BCR: variants seen among roughly 807,000 people sequenced by gnomAD.
BCR encodes breakpoint cluster region protein.
In BCR, 58 loss-of-function variants were observed where a neutral mutation model predicts 138.6. The ratio of observed to expected loss-of-function variants is 0.42; its 90% confidence interval spans 0.34 to 0.52. BCR has a LOEUF of 0.52. BCR is among the 20% of genes least tolerant of loss of function. The pLI, the probability that BCR is intolerant of heterozygous loss-of-function variation, is 0.06. For synonymous variants in BCR, 786 were observed against 730.1 expected (o/e 1.08, Z -1.23); for missense variants, 1,599 against 1,727.2 (o/e 0.93, Z 1.32).
intron 1 of BCR, among the ~76,000 whole-genome samples, chr22:23,225,767 A>AT (rs2072884099): frequency 3.3e-5 from 5 of 152,194 alleles, no homozygotes; most frequent in African/African-American, 1.2e-4. Flanking sequence ...TGTCATTGGA[A>AT]GGCAGTCATC....
In BCR at chr22:23,264,254, G is replaced by A. The variant is rs983937328; in HGVS notation, c.1752+2714G>A. The stretch of plus-strand genomic sequence containing the variant: ...CCTGCCCGCACACCTTCCCGCTGAC[G>A]TCGACCCGCCTCGGCAGCCCTGTGT... On this transcript the variant is annotated intron_variant, in intron 4 of 22. Coordinates refer to ENST00000305877, the MANE Select transcript of BCR (RefSeq NM_004327.4). 9 of 949,336 alleles carry A rather than the reference G, an allele frequency of 9.5e-6. No individual in the cohort carries two copies. The African/African-American group carries it at 9.6e-5, about 10-fold the overall frequency. The allele number at this position is 949,336 out of a possible 1,614,324, so 58.8% of individuals were successfully genotyped here.
chr22:23,228,985 C>T (rs1397700655), intron 1 of BCR, among the ~76,000 whole-genome samples: 2 of 152,158 alleles, frequency 1.3e-5, no homozygotes, highest in Non-Finnish European at 2.9e-5. Context: ...ACACCTGGGA[C>T]ATGAAATTAG....
intron 4 of BCR, among the ~76,000 whole-genome samples, chr22:23,267,822 G>A (rs536509286): frequency 1.6e-4 from 24 of 152,316 alleles, no homozygotes; most frequent in South Asian, 6.2e-4. Flanking sequence ...AACACCTCTC[G>A]CCTTACAGCC....
chr22:23,225,094 G>C (rs1040572137), intron 1 of BCR, among the ~76,000 whole-genome samples: 5 of 151,988 alleles, frequency 3.3e-5, no homozygotes, highest in African/African-American at 1.2e-4. Context: ...AGGATAAGAT[G>C]AGCTCCCCTC....
At chr22:23,219,898 C>T (rs554061459) in intron 1 of BCR, among the ~76,000 whole-genome samples, 1 of 87,108 alleles carries the variant, frequency 1.1e-5, no homozygotes, top group Non-Finnish European at 2.3e-5. Context: ...TCCTTCATGC[C>T]TCCTTCCTGG....
chr22:23,238,012 C>A (rs763442479), intron 1 of BCR, among the ~76,000 whole-genome samples: 1 of 152,154 alleles, frequency 6.6e-6, no homozygotes, highest in African/African-American at 2.4e-5. Flanking sequence ...TTCTCAGTGC[C>A]GTTTCCTCCC....
chr22:23,268,615 T>G, intron 5 of BCR, 100 bp downstream of exon 5: 1 of 1,019,114 alleles, frequency 9.8e-7, no homozygotes, highest in Non-Finnish European at 1.5e-6. Context: ...GATCTGGTCG[T>G]GAACCCCAGC....
At chr22:23,203,220 A>G (rs531977683) in intron 1 of BCR, among the ~76,000 whole-genome samples, 1 of 152,196 alleles carries the variant, frequency 6.6e-6, no homozygotes, top group South Asian at 2.1e-4. Context: ...CTGTCACTGG[A>G]TTTACCAGGT....
intron 1 of BCR, among the ~76,000 whole-genome samples, chr22:23,236,655 C>T (rs560369193): frequency 6.6e-6 from 1 of 152,360 alleles, no homozygotes; most frequent in African/African-American, 2.4e-5. Flanking sequence ...AGGGGACCAA[C>T]ACCTGTTAGA....
chr22:23,230,688 G>A (rs1213273512), intron 1 of BCR, among the ~76,000 whole-genome samples: 1 of 152,204 alleles, frequency 6.6e-6, no homozygotes, highest in African/African-American at 2.4e-5. Context: ...ATGGCCATCT[G>A]CATGTTCACT....
At position 23,289,628 on chromosome 22, in the gene BCR, C is replaced by G; in HGVS notation, c.2707+7C>G. On this transcript the variant is annotated splice_region_variant and intron_variant, in intron 13 of 22. Coordinates refer to ENST00000305877, the MANE Select transcript of BCR (RefSeq NM_004327.4). ...CTGACCATCAATAAGGAAGGTGGGC[C>G]CCCCCGTTTCCGTGTACAGGGCACC... is the stretch of plus-strand genomic sequence containing the variant. 6.2e-7 allele frequency: 1 copy of G among 1,610,862 alleles called. No homozygotes were observed. The highest frequency in any genetic ancestry group is 8.5e-7 in the Non-Finnish European group (1 of 1,177,130).
intron 1 of BCR, among the ~76,000 whole-genome samples, chr22:23,210,336 G>A (rs565660807): frequency 1.3e-5 from 2 of 151,956 alleles, no homozygotes; most frequent in South Asian, 2.1e-4. Context: ...AAGATAGCTT[G>A]AGCCCGGGAG....
At chr22:23,246,268 GA>G (rs965536678) in intron 1 of BCR, among the ~76,000 whole-genome samples, 22 of 149,320 alleles carry the variant, frequency 1.5e-4, no homozygotes, top group African/African-American at 4.7e-4. Context: ...TCTACAAAAA[GA>G]AAAAAAAAAT....
intron 1 of BCR, among the ~76,000 whole-genome samples, chr22:23,248,346 C>G (rs1459819739): frequency 6.8e-6 from 1 of 146,162 alleles, no homozygotes; most frequent in Non-Finnish European, 1.5e-5. Context: ...GAGACTCCAT[C>G]TCAAAAAAAA....
intron 4 of BCR, among the ~76,000 whole-genome samples, chr22:23,266,316 T>C (rs1380343902): frequency 6.6e-6 from 1 of 152,174 alleles, no homozygotes; most frequent in Admixed American, 6.5e-5. Flanking sequence ...CTCAAACTCC[T>C]GACCTCAGGT....
chr22:23,276,583 A>T (rs1200723809), intron 8 of BCR, among the ~76,000 whole-genome samples: 1 of 152,168 alleles, frequency 6.6e-6, no homozygotes, highest in Admixed American at 6.5e-5. Context: ...CGTGAGTCTG[A>T]CCAGCACCCC....
chr22:23,210,339 C>T (rs1442203353), intron 1 of BCR, among the ~76,000 whole-genome samples: 2 of 151,822 alleles, frequency 1.3e-5, no homozygotes, highest in Admixed American at 1.3e-4. Context: ...ATAGCTTGAG[C>T]CCGGGAGGTC....
intron 1 of BCR, among the ~76,000 whole-genome samples, chr22:23,215,118 A>T (rs1245300395): frequency 6.6e-6 from 1 of 152,192 alleles, no homozygotes; most frequent in Admixed American, 6.5e-5. Flanking sequence ...ATTTCACTTA[A>T]CATAATGTCC....
chr22:23,292,473 C>A, intron 14 of BCR, 68 bp from the exon 15 acceptor site: 1 of 1,094,768 alleles, frequency 9.1e-7, no homozygotes, highest in Non-Finnish European at 1.4e-6. Context: ...ATAACACCTG[C>A]TCTTACAGAC....
Sources: allele counts gnomAD v4.1 joint callset (sites outside exome capture counted in the v4.1 genomes callset), GRCh38; gene constraint gnomAD v4.1.1; transcripts MANE v1.5; gene names NCBI Gene and HGNC (gene_info 2026-07-23, HGNC 2026-07-21).